ENPP2: variants seen among roughly 807,000 people sequenced by gnomAD.
ENPP2 encodes autotaxin.
Under a neutral mutation model 120.2 loss-of-function variants are expected in ENPP2, and 51 were observed. The ratio of observed to expected loss-of-function variants is 0.42; its 90% confidence interval spans 0.34 to 0.54. The LOEUF (loss-of-function observed/expected upper bound fraction) is 0.54, where lower values mean the gene tolerates loss of function less well. Ranked by LOEUF, ENPP2 falls within the 20% of genes least tolerant of loss-of-function variation. The probability of loss-of-function intolerance (pLI) is 0.04; values close to 1 mark genes in which losing one functional copy is unlikely to be tolerated. For synonymous variants in ENPP2, 365 were observed against 366.4 expected, an observed-to-expected ratio of 1.00 and a Z score of 0.04; for missense variants, 920 against 1,066.5, an observed-to-expected ratio of 0.86 and a Z score of 1.91.
chr8:119,630,697 A>T (rs1816600797), intron 2 of ENPP2, among the ~76,000 whole-genome samples: 1 of 152,176 alleles, frequency 6.6e-6, no homozygotes, highest in Non-Finnish European at 1.5e-5. Flanking sequence ...CTTAAGATCA[A>T]GTTATTGACA....
chr8:119,584,914 G>A (rs1812999846), intron 15 of ENPP2, among the ~76,000 whole-genome samples: 2 of 152,144 alleles, frequency 1.3e-5, no homozygotes, highest in Non-Finnish European at 2.9e-5. Flanking sequence ...GGAAAAATAA[G>A]GGCTTGGGAT....
intron 2 of ENPP2, among the ~76,000 whole-genome samples, chr8:119,629,915 G>A (rs1374523439): frequency 1.3e-5 from 2 of 152,170 alleles, no homozygotes; most frequent in Non-Finnish European, 2.9e-5. Context: ...TTTCAACAGC[G>A]TTCTAGTAAA....
chr8:119,603,598 T>C (rs1814470766), intron 9 of ENPP2, among the ~76,000 whole-genome samples: 1 of 152,062 alleles, frequency 6.6e-6, no homozygotes, highest in African/African-American at 2.4e-5. Context: ...TCTCATAAAG[T>C]TGTAGTAAAG....
chr8:119,635,502 G>T (rs1816945162), intron 2 of ENPP2, among the ~76,000 whole-genome samples: 1 of 152,202 alleles, frequency 6.6e-6, no homozygotes, highest in Non-Finnish European at 1.5e-5. Flanking sequence ...CACTGCAAGT[G>T]CACATGAGTG....
intron 1 of ENPP2, among the ~76,000 whole-genome samples, chr8:119,646,514 C>T (rs2130863484): frequency 6.6e-6 from 1 of 152,272 alleles, no homozygotes; most frequent in Non-Finnish European, 1.5e-5. Flanking sequence ...ATTCAAGCTG[C>T]TTAACCAGGC....
At chr8:119,592,408 G>A (rs1213035171) in intron 12 of ENPP2, among the ~76,000 whole-genome samples, 1 of 148,202 alleles carries the variant, frequency 6.7e-6, no homozygotes, top group Non-Finnish European at 1.5e-5. Flanking sequence ...GGGAGGTGGA[G>A]GTTGCAGTGA....
chr8:119,656,760 G>T (rs1397227006), intron 1 of ENPP2, among the ~76,000 whole-genome samples: 1 of 152,170 alleles, frequency 6.6e-6, no homozygotes, highest in Non-Finnish European at 1.5e-5. Flanking sequence ...TATAGGTGAA[G>T]AGTTTGAGTA....
intron 3 of ENPP2, among the ~76,000 whole-genome samples, chr8:119,623,946 C>T (rs1008497692): frequency 2.6e-5 from 4 of 152,082 alleles, no homozygotes; most frequent in African/African-American, 9.7e-5. Context: ...TTTAATATCC[C>T]GTTTCCATTC....
intron 12 of ENPP2, chr8:119,592,850 T>G (rs3793377): frequency 3.1e-5 from 4 of 130,696 alleles, no homozygotes; most frequent in South Asian, 2.8e-4. Flanking sequence ...TTTTTTTTTT[T>G]TTTCTAATTT....
intron 10 of ENPP2, among the ~76,000 whole-genome samples, chr8:119,600,979 G>C (rs1027191976): frequency 4.6e-5 from 7 of 151,880 alleles, no homozygotes; most frequent in Admixed American, 1.3e-4. Flanking sequence ...AAGTCACAAA[G>C]GAAAACTTGA....
At chr8:119,575,864 T>G (rs537973405) in intron 19 of ENPP2, among the ~76,000 whole-genome samples, 1 of 152,182 alleles carries the variant, frequency 6.6e-6, no homozygotes, top group Non-Finnish European at 1.5e-5. Context: ...TACCATCAAA[T>G]TCATCTTGAA....
At chr8:119,655,020 T>C (rs1439195907) in intron 1 of ENPP2, among the ~76,000 whole-genome samples, 1 of 152,224 alleles carries the variant, frequency 6.6e-6, no homozygotes, top group Non-Finnish European at 1.5e-5. Context: ...ACCTTGTTCT[T>C]ACTATTTCAC....
intron 19 of ENPP2, among the ~76,000 whole-genome samples, chr8:119,576,643 C>T (rs1812361303): frequency 6.6e-6 from 1 of 152,132 alleles, no homozygotes. Context: ...ATTATTCTTG[C>T]AGTGAAAATT....
chr8:119,657,357 A>G (rs935788476), intron 1 of ENPP2, among the ~76,000 whole-genome samples: 10 of 152,246 alleles, frequency 6.6e-5, no homozygotes, highest in African/African-American at 2.4e-4. Context: ...TTTTTACACC[A>G]TACCATGCCT....
chr8:119,566,877 A>C (rs574751876), intron 22 of ENPP2, among the ~76,000 whole-genome samples: 10 of 152,250 alleles, frequency 6.6e-5, no homozygotes, highest in Non-Finnish European at 1.5e-5. Flanking sequence ...AAACCAAGAA[A>C]TCTTTTTAAA....
chr8:119,562,086 A>G (rs981019509), intron 24 of ENPP2, among the ~76,000 whole-genome samples: 1 of 151,806 alleles, frequency 6.6e-6, no homozygotes, highest in Non-Finnish European at 1.5e-5. Flanking sequence ...GCAGTGAGCC[A>G]AGATCACACC....
chr8:119,643,030 G>A (rs946183174), upstream of ENPP2, among the ~76,000 whole-genome samples: 8 of 152,116 alleles, frequency 5.3e-5, no homozygotes, highest in African/African-American at 1.9e-4. Flanking sequence ...ATAATCCTAA[G>A]ATTATGTATG....
At chr8:119,644,609 T>C (rs1470745971) in intron 1 of ENPP2, among the ~76,000 whole-genome samples, 1 of 101,580 alleles carries the variant, frequency 9.8e-6, no homozygotes, top group Non-Finnish European at 1.9e-5. Context: ...TATATATATA[T>C]ATATATATAT....
intron 1 of ENPP2, among the ~76,000 whole-genome samples, chr8:119,645,030 G>C (rs1041908174): frequency 6.6e-6 from 1 of 152,098 alleles, no homozygotes; most frequent in African/African-American, 2.4e-5. Context: ...TTTACCAAAA[G>C]TTTTACCCTA....
Sources: gnomAD v4.1 joint callset for allele counts (sites outside exome capture counted in the v4.1 genomes callset) on GRCh38, gnomAD v4.1.1 for gene constraint, MANE v1.5 for transcripts, NCBI Gene and HGNC (gene_info 2026-07-23, HGNC 2026-07-21) for gene names.